The following ZC3H12B variants were observed in gnomAD, a reference collection of about 807,000 sequenced individuals.
ZC3H12B encodes zinc finger CCCH-type containing 12B, also known as probable ribonuclease ZC3H12B.
ZC3H12B carries 7 observed loss-of-function variants against 43.9 expected under a neutral mutation model. That is an observed-to-expected ratio of 0.16 (90% confidence interval 0.09 to 0.30). The LOEUF (loss-of-function observed/expected upper bound fraction) is 0.30, where lower values mean the gene tolerates loss of function less well. Ranked by LOEUF, ZC3H12B falls within the 10% of genes least tolerant of loss-of-function variation. The probability of loss-of-function intolerance (pLI) is 1.00; values close to 1 mark genes in which losing one functional copy is unlikely to be tolerated. For synonymous variants in ZC3H12B, 222 were observed against 241.7 expected (o/e 0.92, Z 0.76); for missense variants, 475 against 670.2 (o/e 0.71, Z 3.22).
the ZC3H12B span, among the ~76,000 whole-genome samples, chrX:65,180,366 G>T: frequency 1.3e-4 from 14 of 111,844 alleles, no homozygotes; most frequent in East Asian, 3.9e-3. Flanking sequence ...AAAATAATAA[G>T]AGGTATTTAT....
the ZC3H12B span, among the ~76,000 whole-genome samples, chrX:65,063,476 A>G: frequency 8.0e-5 from 9 of 112,291 alleles, no homozygotes; most frequent in Admixed American, 4.7e-4. Context: ...TGATTTGCAT[A>G]TATTGAACCA....
At chrX:65,206,548 C>G in the ZC3H12B span, among the ~76,000 whole-genome samples, 6 of 111,951 alleles carry the variant, frequency 5.4e-5, no homozygotes, top group African/African-American at 1.9e-4. Flanking sequence ...AGACCTGAAA[C>G]TATAAAGATT....
the ZC3H12B span, among the ~76,000 whole-genome samples, chrX:65,217,144 C>T: frequency 8.9e-6 from 1 of 111,866 alleles, no homozygotes; most frequent in African/African-American, 3.2e-5. Flanking sequence ...AAAAGCAAAA[C>T]TTTGTCTGGG....
chrX:65,273,064 C>T, the ZC3H12B span: 2 of 112,159 alleles, frequency 1.8e-5, no homozygotes, highest in African/African-American at 6.5e-5. Context: ...GTTATGGCCA[C>T]TAACAGTGTG....
the ZC3H12B span, among the ~76,000 whole-genome samples, chrX:65,216,524 T>G: frequency 1.8e-5 from 2 of 111,442 alleles, no homozygotes; most frequent in African/African-American, 6.5e-5. Flanking sequence ...TAAATAAGTT[T>G]GAGTGTCAGT....
the ZC3H12B span, among the ~76,000 whole-genome samples, chrX:65,178,721 A>G: frequency 2.8e-3 from 313 of 112,580 alleles, no homozygotes; most frequent in African/African-American, 9.2e-3. Flanking sequence ...ATACAATCTC[A>G]TGCCAGTTAG....
At chrX:65,179,571 A>G in the ZC3H12B span, among the ~76,000 whole-genome samples, 1 of 110,664 alleles carries the variant, frequency 9.0e-6, no homozygotes, top group African/African-American at 3.3e-5. Flanking sequence ...TTTTTAAAAG[A>G]CTAACAAAAT....
chrX:65,189,424 G>C, the ZC3H12B span, among the ~76,000 whole-genome samples: 1 of 97,703 alleles, frequency 1.0e-5, no homozygotes, highest in Non-Finnish European at 2.0e-5. Context: ...CAGTGTAAAA[G>C]TGTTCCTATT....
At chrX:65,498,512 G>C (rs1357351861) in intron 2 of ZC3H12B, among the ~76,000 whole-genome samples, 1 of 111,873 alleles carries the variant, frequency 8.9e-6, no homozygotes, top group African/African-American at 3.3e-5. Context: ...AAAAGGAAAG[G>C]GGGTCAGCAC....
the ZC3H12B span, among the ~76,000 whole-genome samples, chrX:65,335,526 C>A: frequency 9.0e-6 from 1 of 111,588 alleles, no homozygotes; most frequent in Admixed American, 9.5e-5. Context: ...AAAATCTAGA[C>A]TCCTCAAAGG....
the ZC3H12B span, among the ~76,000 whole-genome samples, chrX:65,287,667 G>A: frequency 4.5e-5 from 5 of 110,730 alleles, no homozygotes; most frequent in African/African-American, 9.8e-5. Flanking sequence ...CGAAAGCAGT[G>A]GCAAGAGGAA....
chrX:65,083,066 C>A, the ZC3H12B span, among the ~76,000 whole-genome samples: 2 of 111,052 alleles, frequency 1.8e-5, no homozygotes, highest in African/African-American at 6.5e-5. Context: ...AACATCACTT[C>A]ATGATAGGAA....
At chrX:65,239,541 T>C in the ZC3H12B span, among the ~76,000 whole-genome samples, 1 of 111,397 alleles carries the variant, frequency 9.0e-6, no homozygotes, top group South Asian at 3.8e-4. Flanking sequence ...CAGCTTGCCA[T>C]TCTATGTTAT....
At chrX:65,173,925 T>C in the ZC3H12B span, among the ~76,000 whole-genome samples, 1 of 111,447 alleles carries the variant, frequency 9.0e-6, no homozygotes, top group African/African-American at 3.3e-5. Flanking sequence ...GGGGTTCTTA[T>C]GTGGGGGTCC....
chrX:65,237,791 G>T, the ZC3H12B span, among the ~76,000 whole-genome samples: 2 of 111,009 alleles, frequency 1.8e-5, no homozygotes, highest in African/African-American at 3.3e-5. Context: ...GAATTTTATT[G>T]AAGGCCTTTT....
At chrX:65,197,932 G>T in the ZC3H12B span, among the ~76,000 whole-genome samples, 1 of 112,289 alleles carries the variant, frequency 8.9e-6, no homozygotes, top group East Asian at 2.8e-4. Context: ...ATTTAGTCCA[G>T]TCTGGAGCCA....
the ZC3H12B span, among the ~76,000 whole-genome samples, chrX:65,161,459 A>T: frequency 8.9e-6 from 1 of 111,905 alleles, no homozygotes; most frequent in Non-Finnish European, 1.9e-5. Flanking sequence ...TATTGGGTGC[A>T]TATATATTAA....
chrX:65,310,807 C>A, the ZC3H12B span, among the ~76,000 whole-genome samples: 35 of 111,355 alleles, frequency 3.1e-4, 1 homozygote, highest in South Asian at 3.8e-4. Context: ...ATATATAGAC[C>A]AATGGAACAG....
the ZC3H12B span, among the ~76,000 whole-genome samples, chrX:65,082,707 C>T: frequency 1.8e-5 from 2 of 111,318 alleles, no homozygotes; most frequent in South Asian, 3.8e-4. Context: ...AGCAATCCTA[C>T]TCAAACTATT....
Sources: allele counts gnomAD v4.1 joint callset (sites outside exome capture counted in the v4.1 genomes callset), GRCh38; gene constraint gnomAD v4.1.1; transcripts MANE v1.5; gene names NCBI Gene and HGNC (gene_info 2026-07-23, HGNC 2026-07-21).